Variants in ATG16L1 observed in about 807,000 individuals in gnomAD.
The protein encoded by ATG16L1 is autophagy related 16 like 1.
A neutral mutation model predicts 88.5 loss-of-function variants in ATG16L1; 37 were observed. The observed-to-expected ratio is 0.42, with a 90% confidence interval of 0.32 to 0.55. The LOEUF (loss-of-function observed/expected upper bound fraction) is 0.55. Among genes scored for constraint, ATG16L1 ranks in the 20% least tolerant of loss-of-function variants. The probability of loss-of-function intolerance (pLI) is 0.13; values close to 1 mark genes in which losing one functional copy is unlikely to be tolerated. For synonymous variants in ATG16L1, 301 were observed against 281.0 expected, an observed-to-expected ratio of 1.07 and a Z score of -0.71; for missense variants, 554 against 752.8, an observed-to-expected ratio of 0.74 and a Z score of 3.09.
At chr2:233,283,457 TAAA>T (rs10634694) in intron 12 of ATG16L1, among the ~76,000 whole-genome samples, 1 of 144,242 alleles carries the variant, frequency 6.9e-6, no homozygotes, top group Non-Finnish European at 1.5e-5. Flanking sequence ...GGCATTTTAC[TAAA>T]AAAAAAAAAA....
intron 12 of ATG16L1, 110 bp from the exon 13 acceptor site, chr2:233,289,744 C>T (rs1699333015): frequency 6.9e-7 from 1 of 1,441,608 alleles, no homozygotes; most frequent in Non-Finnish European, 9.6e-7. Flanking sequence ...GGCCGGATCT[C>T]AGGGTGGTCT....
rs772201629 is a variant in ATG16L1 at position 233,251,807 on chromosome 2, G to A, written c.-21G>A. On this transcript the variant is annotated 5_prime_UTR_variant, in exon 1 of 18. Transcript: ENST00000392017. ...CCCTCGCTCGCATTGGTGGCGCTGA[G>A]GTGCCGGGGCAGCAAGTGACATGTC... The A allele has an allele frequency of 6.5e-6, 10 of 1,547,532 alleles. No individual in the cohort carries two copies. The highest frequency in any genetic ancestry group is 1.8e-4 in the Middle Eastern group (1 of 5,508).
intron 10 of ATG16L1, among the ~76,000 whole-genome samples, chr2:233,278,555 A>G (rs986697218): frequency 2.0e-5 from 3 of 152,192 alleles, no homozygotes; most frequent in African/African-American, 7.2e-5. Flanking sequence ...TAAAGGGAAT[A>G]AAACTCAGAT....
intron 9 of ATG16L1, among the ~76,000 whole-genome samples, chr2:233,276,258 A>T (rs1392221903): frequency 6.6e-6 from 1 of 152,110 alleles, no homozygotes; most frequent in Non-Finnish European, 1.5e-5. Context: ...TAGACAAGTG[A>T]TTATCTACTT....
At chr2:233,294,178 A>T in intron 17 of ATG16L1, 79 bp from the exon 18 acceptor site, 2 of 1,192,222 alleles carry the variant, frequency 1.7e-6, no homozygotes, top group Non-Finnish European at 2.3e-6. Flanking sequence ...CTGAATGCAC[A>T]AGCTTCTGGT....
chr2:233,252,021 G>C, intron 1 of ATG16L1, 79 bp downstream of exon 1: 1 of 1,299,230 alleles, frequency 7.7e-7, no homozygotes, highest in Non-Finnish European at 1.0e-6. Context: ...GGAACCTGAG[G>C]CCGAGTCCCT....
At chr2:233,258,014 A>T (rs28528137) in intron 2 of ATG16L1, among the ~76,000 whole-genome samples, 3,522 of 102,082 alleles carry the variant, frequency 0.035, 117 homozygotes, top group African/African-American at 0.084. Context: ...AAAAAAAAAA[A>T]AAATATCTAT....
chr2:233,294,145 G>T (rs1458409781), intron 17 of ATG16L1, 112 bp from the exon 18 acceptor site: 2 of 803,574 alleles, frequency 2.5e-6, no homozygotes, highest in East Asian at 5.7e-5. Flanking sequence ...GAGTAAAATG[G>T]AAGTTGGAAA....
chr2:233,294,406 C>A lies in ATG16L1; in HGVS notation c.*56C>A, dbSNP rs781226741. The A allele has an allele frequency of 7.1e-7, 1 of 1,413,104 alleles. No homozygotes were observed. Among genetic ancestry groups the A allele is most frequent in the Non-Finnish European group, 9.9e-7 (1 of 1,006,538 alleles). The allele number at this position is 1,413,104 out of a possible 1,614,324, so 87.5% of individuals were successfully genotyped here. A position where few individuals can be genotyped will look rare whatever the true frequency, so the allele number is the denominator to read the frequency against. On this transcript the variant is annotated 3_prime_UTR_variant, in exon 18 of 18. Transcript: ENST00000392017. ...GCCCTCCTCAGAAGAAGCACATGGG[C>A]TCCTGCAGCCCTGTCCTGGCAGGTG...
At position 233,276,048 on chromosome 2, in the gene ATG16L1, G is replaced by A. The variant is rs769471887; in HGVS notation, c.954+1270G>A. 1.4e-5 allele frequency: 7 copies of A among 494,240 alleles called. 1 individual carries two copies. Among genetic ancestry groups the A allele is most frequent in the South Asian group, 1.0e-4 (7 of 68,966 alleles). The allele number at this position is 494,240 out of a possible 1,614,324, so 30.6% of individuals were successfully genotyped here. On this transcript the variant is annotated intron_variant, in intron 9 of 17. Coordinates refer to ENST00000392017, the MANE Select transcript of ATG16L1 (RefSeq NM_030803.7). Reference sequence around the variant, plus strand: ...TAAAAAAGAAAAGGAAATTTCATGGGGGTAAAAGGTTTGGTCACCTGTCAT... The same window carrying A: ...TAAAAAAGAAAAGGAAATTTCATGGAGGTAAAAGGTTTGGTCACCTGTCAT...
chr2:233,257,313 G>A (rs1041251946), intron 2 of ATG16L1, among the ~76,000 whole-genome samples: 2 of 152,228 alleles, frequency 1.3e-5, no homozygotes, highest in Non-Finnish European at 2.9e-5. Flanking sequence ...ACAGGCTTGA[G>A]CCACCGCGCC....
At chr2:233,253,332 G>T (rs904016035) in intron 1 of ATG16L1, among the ~76,000 whole-genome samples, 160 of 112,914 alleles carry the variant, frequency 1.4e-3, no homozygotes, top group Middle Eastern at 6.2e-3. Context: ...GTGAGACTGG[G>T]TTTTTTTGTT....
intron 4 of ATG16L1, among the ~76,000 whole-genome samples, chr2:233,264,326 T>A (rs183902126): frequency 5.3e-4 from 81 of 152,302 alleles, no homozygotes; most frequent in African/African-American, 1.8e-3. Flanking sequence ...CACTAGCAGC[T>A]CTCCTGTGGC....
rs1328017684 is a variant in ATG16L1 at position 233,289,805 on chromosome 2, G to T, written c.1204-49G>T. The T allele has an allele frequency of 2.5e-6, 4 of 1,600,056 alleles. No homozygotes were observed. The South Asian group carries it at 4.4e-5, about 18-fold the overall frequency. On this transcript the variant is annotated intron_variant, in intron 12 of 17. Coordinates refer to ENST00000392017, the MANE Select transcript of ATG16L1 (RefSeq NM_030803.7). ...TGCTGTGGATACTTTGCCAGCATAG[G>T]CAGGGCCTGGCGCCCTGAGGCTCAC...
chr2:233,284,169 T>C (rs1217280264), intron 12 of ATG16L1, among the ~76,000 whole-genome samples: 1 of 150,152 alleles, frequency 6.7e-6, no homozygotes, highest in Admixed American at 6.6e-5. Context: ...TTTTTTTTTT[T>C]TCTGAGATGG....
At chr2:233,271,684 G>A (rs1294892509) in intron 6 of ATG16L1, among the ~76,000 whole-genome samples, 1 of 152,180 alleles carries the variant, frequency 6.6e-6, no homozygotes, top group Non-Finnish European at 1.5e-5. Context: ...TTTTCTTGTG[G>A]TCCCGGGCCT....
Position 233,294,262 on chromosome 2 carries a change from C to T in ATG16L1, c.1736C>T (p.Ser579Phe). ...EKVLSKQHSS[S>F]INAVAWSPSG... Reference sequence around the variant, plus strand: ...TTCTGATCTCTCCTTTGAAGCTCATCCATCAATGCGGTGGCGTGGTCGCCC... The same window carrying T: ...TTCTGATCTCTCCTTTGAAGCTCATTCATCAATGCGGTGGCGTGGTCGCCC... The change falls in exon 18 of 18, where the codon TCC becomes TTC. Residue 579 changes from serine to phenylalanine, a missense_variant. By Grantham distance (155) the Ser-to-Phe change is radical. Transcript: ENST00000392017. The T allele has an allele frequency of 9.4e-6, 15 of 1,600,136 alleles. No individual in the cohort carries two copies. Among genetic ancestry groups the T allele is most frequent in the Non-Finnish European group, 1.1e-5 (13 of 1,173,890 alleles).
chr2:233,280,474 G>A (rs1698651183), intron 10 of ATG16L1, among the ~76,000 whole-genome samples: 1 of 152,030 alleles, frequency 6.6e-6, no homozygotes, highest in Non-Finnish European at 1.5e-5. Context: ...GCTGTGTAGA[G>A]GGATGGGAGG....
At chr2:233,292,845 T>C (rs1174001904) in intron 16 of ATG16L1, among the ~76,000 whole-genome samples, 1 of 152,224 alleles carries the variant, frequency 6.6e-6, no homozygotes, top group Non-Finnish European at 1.5e-5. Flanking sequence ...CCTTCTTCCA[T>C]GTATCCTGCT....
Sources: gnomAD v4.1 joint callset for allele counts (sites outside exome capture counted in the v4.1 genomes callset) on GRCh38, gnomAD v4.1.1 for gene constraint, MANE v1.5 for transcripts, NCBI Gene and HGNC (gene_info 2026-07-23, HGNC 2026-07-21) for gene names.